FAM184A: variants seen among roughly 807,000 people sequenced by gnomAD.
FAM184A encodes the protein protein FAM184A.
A neutral mutation model predicts 143.8 loss-of-function variants in FAM184A; 99 were observed. The observed-to-expected ratio is 0.69, with a 90% CI of 0.58 to 0.81. The LOEUF is 0.81. Among genes scored for constraint, FAM184A ranks in the 40% least tolerant of loss-of-function variants. The pLI, the probability that FAM184A is intolerant of heterozygous loss-of-function variation, is 0.00. For synonymous variants in FAM184A, 427 were observed against 446.4 expected (o/e 0.96, Z 0.55); for missense variants, 1,217 against 1,310.5 (o/e 0.93, Z 1.10).
chr6:119,112,504 A>G (rs1788959215), intron 1 of FAM184A, among the ~76,000 whole-genome samples: 1 of 152,140 alleles, frequency 6.6e-6, no homozygotes, highest in Non-Finnish European at 1.5e-5. Flanking sequence ...AAAACTCTTG[A>G]GATAACATTT....
chr6:118,989,252 G>A (rs866065374), intron 9 of FAM184A, among the ~76,000 whole-genome samples: 4 of 151,370 alleles, frequency 2.6e-5, no homozygotes, highest in Non-Finnish European at 5.9e-5. Context: ...GTGAGCCACC[G>A]CGCCCAGCCT....
chr6:119,046,169 A>G (rs929498053), intron 1 of FAM184A, among the ~76,000 whole-genome samples: 4 of 152,080 alleles, frequency 2.6e-5, no homozygotes, highest in Non-Finnish European at 5.9e-5. Flanking sequence ...AAATCACACC[A>G]AGTATTTGGA....
chr6:118,969,043 G>A (rs1372308143), intron 14 of FAM184A, among the ~76,000 whole-genome samples: 1 of 152,156 alleles, frequency 6.6e-6, no homozygotes, highest in Admixed American at 6.5e-5. Flanking sequence ...AATCATGGGG[G>A]CAGTTATCCC....
At chr6:119,006,879 A>G (rs1784934869) in intron 6 of FAM184A, among the ~76,000 whole-genome samples, 2 of 152,228 alleles carry the variant, frequency 1.3e-5, no homozygotes. Context: ...TAGTTCCACC[A>G]TATAATAAAA....
chr6:119,106,855 G>GA (rs1157897042), intron 1 of FAM184A, among the ~76,000 whole-genome samples: 3 of 152,222 alleles, frequency 2.0e-5, no homozygotes, highest in South Asian at 2.1e-4. Context: ...GATATTCACT[G>GA]AAAAAAATCT....
At chr6:119,131,810 A>G (rs1388568570) in intron 1 of FAM184A, among the ~76,000 whole-genome samples, 1 of 151,878 alleles carries the variant, frequency 6.6e-6, no homozygotes, top group Non-Finnish European at 1.5e-5. Flanking sequence ...CTAACCTACT[A>G]TAACATAAAA....
intron 1 of FAM184A, among the ~76,000 whole-genome samples, chr6:119,070,569 G>T (rs1362223041): frequency 6.6e-6 from 1 of 151,976 alleles, no homozygotes; most frequent in African/African-American, 2.4e-5. Flanking sequence ...AGTTTGATAT[G>T]ATTCCCCCAT....
intron 11 of FAM184A, among the ~76,000 whole-genome samples, chr6:118,978,822 TA>T (rs1783925240): frequency 6.6e-6 from 1 of 152,058 alleles, no homozygotes; most frequent in South Asian, 2.1e-4. Flanking sequence ...TTGAATGACA[TA>T]AAAAACAAAA....
intron 9 of FAM184A, 122 bp downstream of exon 9, chr6:119,002,777 A>T: frequency 1.2e-6 from 1 of 840,434 alleles, no homozygotes; most frequent in Non-Finnish European, 1.8e-6. Context: ...TATTTTTAGA[A>T]GTTTTAAGTT....
chr6:119,000,517 T>G (rs1784720892), intron 9 of FAM184A, among the ~76,000 whole-genome samples: 1 of 152,200 alleles, frequency 6.6e-6, no homozygotes, highest in Non-Finnish European at 1.5e-5. Context: ...CTGATTCAAG[T>G]AAAATGAAAA....
At chr6:119,054,212 T>G (rs1786875316) in intron 1 of FAM184A, among the ~76,000 whole-genome samples, 1 of 152,204 alleles carries the variant, frequency 6.6e-6, no homozygotes, top group South Asian at 2.1e-4. Context: ...GAAGCTGAAA[T>G]AAATGACTGA....
intron 9 of FAM184A, among the ~76,000 whole-genome samples, chr6:118,985,052 C>T (rs976902680): frequency 6.6e-5 from 10 of 152,220 alleles, no homozygotes; most frequent in Non-Finnish European, 1.3e-4. Flanking sequence ...GTATGCCTTA[C>T]TGCAGACTGT....
chr6:119,120,355 G>T (rs141406373), intron 1 of FAM184A, among the ~76,000 whole-genome samples: 1 of 152,186 alleles, frequency 6.6e-6, no homozygotes, highest in Non-Finnish European at 1.5e-5. Flanking sequence ...CCTCTTTATG[G>T]CCAGATAATA....
At chr6:118,978,654 T>A (rs1439347038) in intron 11 of FAM184A, among the ~76,000 whole-genome samples, 1 of 152,164 alleles carries the variant, frequency 6.6e-6, no homozygotes, top group Non-Finnish European at 1.5e-5. Flanking sequence ...GGCTTTCCCT[T>A]TGAGGCCCAA....
Position 118,975,156 on chromosome 6 carries a change from C to T in FAM184A, c.2636G>A (p.Arg879Lys). The T allele has an allele frequency of 6.2e-7, 1 of 1,612,090 alleles. No homozygotes were observed. The highest frequency in any genetic ancestry group is 1.1e-5 in the South Asian group (1 of 90,876). The change falls in exon 13 of 18, where the codon AGA (arginine) becomes AAA (lysine). Residue 879 changes from arginine (R) to lysine (K), a missense_variant. Physicochemically the swap from Arg to Lys is conservative, Grantham distance 26 (BLOSUM62 2). Coordinates refer to ENST00000338891, the MANE Select transcript of FAM184A (RefSeq NM_024581.6). ...ITDLQEELRH[R>K]EHHISELDKE... The stretch of plus-strand genomic sequence containing the variant: ...ATCCAATTCAGAGATGTGATGCTCT[C>T]TGTGTCTTAATTCCTCTTGTAGATC...
At chr6:119,139,810 C>CT (rs1369567590) in intron 1 of FAM184A, among the ~76,000 whole-genome samples, 1 of 152,118 alleles carries the variant, frequency 6.6e-6, no homozygotes, top group Admixed American at 6.5e-5. Context: ...TTCACGTCCT[C>CT]TTTTTTTTCC....
intron 14 of FAM184A, among the ~76,000 whole-genome samples, chr6:118,973,201 C>T (rs1783746706): frequency 6.6e-6 from 1 of 152,076 alleles, no homozygotes; most frequent in Non-Finnish European, 1.5e-5. Flanking sequence ...CAACTGGGGA[C>T]CTGTTTTCTG....
At chr6:118,971,366 A>T (rs1562455832) in intron 14 of FAM184A, among the ~76,000 whole-genome samples, 1 of 152,230 alleles carries the variant, frequency 6.6e-6, no homozygotes, top group Non-Finnish European at 1.5e-5. Flanking sequence ...ATCTATTTAA[A>T]ATCTAAGTAT....
At position 119,101,975 on chromosome 6, in the gene FAM184A, GA is replaced by G. The variant is rs551302520; in HGVS notation, c.-202+47102del. 3.2e-3 allele frequency among the ~76,000 whole-genome samples: 484 copies of G among 152,242 alleles called. 4 individuals are homozygous for G. Among genetic ancestry groups the G allele is most frequent in the Non-Finnish European group, 3.8e-3 (259 of 68,026 alleles). On this transcript the variant is annotated intron_variant, in intron 1 of 16. Transcript: ENST00000352896. Reference sequence around the variant, plus strand: ...GGAGGCTGAGGTAGGAGAATCGCTTGAACCTGGGAGGCAGAGGTTGCAGTGA... The same window carrying G: ...GGAGGCTGAGGTAGGAGAATCGCTTGACCTGGGAGGCAGAGGTTGCAGTGA...
Sources: gnomAD v4.1 joint callset for allele counts (sites outside exome capture counted in the v4.1 genomes callset) on GRCh38, gnomAD v4.1.1 for gene constraint, MANE v1.5 for transcripts, NCBI Gene and HGNC (gene_info 2026-07-23, HGNC 2026-07-21) for gene names.